SH3RF1: variants seen among roughly 807,000 people sequenced by gnomAD.
SH3RF1 encodes the protein E3 ubiquitin-protein ligase SH3RF1.
SH3RF1 carries 32 observed loss-of-function variants against 74.0 expected under a neutral mutation model. The ratio of observed to expected loss-of-function variants is 0.43; its 90% CI spans 0.33 to 0.58. The LOEUF (loss-of-function observed/expected upper bound fraction) is 0.58, where lower values mean the gene tolerates loss of function less well. Among genes scored for constraint, SH3RF1 ranks in the 20% least tolerant of loss-of-function variants. The probability of loss-of-function intolerance (pLI) is 0.05; values close to 1 mark genes in which losing one functional copy is unlikely to be tolerated. For synonymous variants in SH3RF1, 396 were observed against 439.6 expected (o/e 0.90, Z 1.24); for missense variants, 954 against 1,130.9 (o/e 0.84, Z 2.24).
intron 2 of SH3RF1, among the ~76,000 whole-genome samples, chr4:169,240,968 C>T (rs1442225798): frequency 1.3e-5 from 2 of 152,188 alleles, no homozygotes; most frequent in Non-Finnish European, 2.9e-5. Flanking sequence ...TGGTGGCTCA[C>T]GTCTGTAATC....
At chr4:169,128,261 A>G (rs1733558381) in intron 6 of SH3RF1, among the ~76,000 whole-genome samples, 2 of 152,294 alleles carry the variant, frequency 1.3e-5, no homozygotes, top group East Asian at 3.9e-4. Context: ...TGGTTAAGGA[A>G]GTTGGCTCTG....
Position 169,176,146 on chromosome 4 carries a change from A to C in SH3RF1, c.394-19467T>G, listed in dbSNP as rs533462434. Among the ~76,000 whole-genome samples the C allele has an allele frequency of 7.9e-5, 12 of 152,270 alleles. No homozygotes were observed. In the East Asian group the frequency reaches 2.3e-3, roughly 29 times the overall value. ...GAGCTTGGACTTTCCAGCGTCCAGA[A>C]CTGTGAGAAATAAATCTCTGTTGTT... On this transcript the variant is annotated intron_variant, in intron 2 of 11. Transcript: ENST00000284637.
intron 2 of SH3RF1, among the ~76,000 whole-genome samples, chr4:169,226,935 G>A (rs1366698724): frequency 6.6e-6 from 1 of 152,200 alleles, no homozygotes; most frequent in African/African-American, 2.4e-5. Flanking sequence ...GGTAGGCTGA[G>A]GTGGGAGGAT....
At chr4:169,249,084 C>T (rs1731056331) in intron 2 of SH3RF1, among the ~76,000 whole-genome samples, 1 of 152,090 alleles carries the variant, frequency 6.6e-6, no homozygotes, top group South Asian at 2.1e-4. Flanking sequence ...AAAAATTAGC[C>T]AGGCATGGTG....
chr4:169,227,212 T>C (rs914020356), intron 2 of SH3RF1, among the ~76,000 whole-genome samples: 1 of 151,480 alleles, frequency 6.6e-6, no homozygotes, highest in African/African-American at 2.4e-5. Flanking sequence ...TTAATTCCAA[T>C]TAGAAAATGA....
chr4:169,218,600 C>T (rs1264342585), intron 2 of SH3RF1, among the ~76,000 whole-genome samples: 3 of 151,224 alleles, frequency 2.0e-5, no homozygotes, highest in African/African-American at 7.3e-5. Flanking sequence ...AAGATTCAGT[C>T]ACTCACAGGG....
intron 2 of SH3RF1, among the ~76,000 whole-genome samples, chr4:169,218,646 C>A (rs1730506466): frequency 6.6e-6 from 1 of 151,746 alleles, no homozygotes; most frequent in Non-Finnish European, 1.5e-5. Context: ...AAAGTGAACA[C>A]CACCATCTCA....
chr4:169,140,136 G>T lies in SH3RF1; in HGVS notation c.766-3516C>A, dbSNP rs145914260. On this transcript the variant is annotated intron_variant, in intron 4 of 11. Coordinates refer to ENST00000284637, the MANE Select transcript of SH3RF1 (RefSeq NM_020870.4). The stretch of plus-strand genomic sequence containing the variant: ...CTCCTTGCTTCCTGTATCAGTTCCA[G>T]AGAAAATCATAAAGTTAAGACTATT... Among the ~76,000 whole-genome samples the T allele has an allele frequency of 1.1e-3, 175 of 152,260 alleles. 1 individual carries two copies. Among genetic ancestry groups the T allele is most frequent in the African/African-American group, 4.1e-3 (171 of 41,558 alleles).
intron 7 of SH3RF1, 60 bp downstream of exon 7, chr4:169,122,040 T>C: frequency 6.3e-7 from 1 of 1,590,770 alleles, no homozygotes; most frequent in Non-Finnish European, 8.6e-7. Context: ...TCTTGACCTC[T>C]GAGGTTTGGA....
intron 2 of SH3RF1, among the ~76,000 whole-genome samples, chr4:169,175,282 C>A (rs1579120294): frequency 6.6e-6 from 1 of 152,182 alleles, no homozygotes; most frequent in Non-Finnish European, 1.5e-5. Context: ...TATCCACAGT[C>A]TTGCCTGTTA....
At chr4:169,111,366 C>T (rs1172377489) in intron 10 of SH3RF1, among the ~76,000 whole-genome samples, 4 of 150,428 alleles carry the variant, frequency 2.7e-5, no homozygotes, top group Non-Finnish European at 4.5e-5. Context: ...GCCATCCTCC[C>T]ACCTCAGCCT....
chr4:169,238,382 C>G (rs570626841), intron 2 of SH3RF1, among the ~76,000 whole-genome samples: 3 of 152,336 alleles, frequency 2.0e-5, no homozygotes, highest in East Asian at 3.9e-4. Context: ...TCTTCACCTT[C>G]AGGAAAATGA....
intron 4 of SH3RF1, among the ~76,000 whole-genome samples, chr4:169,154,345 G>A (rs866041048): frequency 2.0e-5 from 3 of 152,094 alleles, no homozygotes; most frequent in African/African-American, 7.2e-5. Context: ...GAAAACGTTG[G>A]CAATCTCACT....
intron 2 of SH3RF1, among the ~76,000 whole-genome samples, chr4:169,177,151 C>G (rs1052756144): frequency 6.6e-6 from 1 of 152,162 alleles, no homozygotes; most frequent in Non-Finnish European, 1.5e-5. Flanking sequence ...AAGTACAGCA[C>G]TTATATGTAA....
At chr4:169,198,780 A>G (rs1420231004) in intron 2 of SH3RF1, among the ~76,000 whole-genome samples, 1 of 152,194 alleles carries the variant, frequency 6.6e-6, no homozygotes, top group Admixed American at 6.5e-5. Flanking sequence ...AGAATCTAAC[A>G]AAGAAATAAC....
At position 169,133,483 on chromosome 4, in the gene SH3RF1, G is replaced by GA. The variant is rs946145104; in HGVS notation, c.1068+2834dup. On this transcript the variant is annotated intron_variant, in intron 5 of 11. Transcript: ENST00000284637. ...ACAGCAAAACTCCATCTCAAAAAAA[G>GA]AAAAAAAAAAGAGGCTGTGCGTGGT... Among the ~76,000 whole-genome samples the GA allele has an allele frequency of 2.3e-3, 329 of 142,560 alleles. 1 individual carries two copies. Among genetic ancestry groups the GA allele is most frequent in the African/African-American group, 7.6e-3 (295 of 38,882 alleles). 93.5% of individuals were successfully genotyped at this position (142,560 alleles called of 152,430 possible). A position where few individuals can be genotyped will look rare whatever the true frequency, so the allele number is the denominator to read the frequency against.
intron 2 of SH3RF1, among the ~76,000 whole-genome samples, chr4:169,178,742 T>G (rs1734463005): frequency 7.2e-5 from 11 of 152,214 alleles, no homozygotes. Flanking sequence ...GCAATAAATT[T>G]GTGTTTCTTT....
chr4:169,190,262 A>C (rs953682435), intron 2 of SH3RF1, among the ~76,000 whole-genome samples: 1 of 152,206 alleles, frequency 6.6e-6, no homozygotes, highest in Non-Finnish European at 1.5e-5. Flanking sequence ...CAAAAAATAC[A>C]AAAGATAAAT....
At chr4:169,214,109 G>A (rs1397837098) in intron 2 of SH3RF1, among the ~76,000 whole-genome samples, 1 of 152,182 alleles carries the variant, frequency 6.6e-6, no homozygotes, top group African/African-American at 2.4e-5. Flanking sequence ...AATGTTGGAG[G>A]TGGGGCCTCG....
Sources: gnomAD v4.1 joint callset for allele counts (sites outside exome capture counted in the v4.1 genomes callset) on GRCh38, gnomAD v4.1.1 for gene constraint, MANE v1.5 for transcripts, NCBI Gene and HGNC (gene_info 2026-07-23, HGNC 2026-07-21) for gene names.